The following ZC3H12B variants were observed in gnomAD, a reference collection of about 807,000 sequenced individuals.
ZC3H12B encodes zinc finger CCCH-type containing 12B.
A neutral mutation model predicts 43.9 loss-of-function variants in ZC3H12B; 7 were observed. The observed-to-expected ratio is 0.16, with a 90% CI of 0.09 to 0.30. ZC3H12B has a LOEUF of 0.30. ZC3H12B is among the 10% of genes least tolerant of loss of function. The probability of loss-of-function intolerance (pLI) is 1.00; values close to 1 mark genes in which losing one functional copy is unlikely to be tolerated. For missense variants in ZC3H12B, 475 were observed against 670.2 expected (o/e 0.71, Z 3.22); for synonymous variants, 222 against 241.7 (o/e 0.92, Z 0.76).
chrX:65,224,286 A>G, the ZC3H12B span, among the ~76,000 whole-genome samples: 1 of 112,588 alleles, frequency 8.9e-6, no homozygotes, highest in African/African-American at 3.2e-5. Context: ...ATTGCCTTTG[A>G]GTACTCGGGA....
the ZC3H12B span, among the ~76,000 whole-genome samples, chrX:65,347,827 G>A: frequency 8.9e-6 from 1 of 112,105 alleles, no homozygotes; most frequent in South Asian, 3.7e-4. Context: ...CAAAGACTTG[G>A]AACCAAGCCA....
chrX:65,408,510 T>A (rs2066864197), intron 3 of ZC3H12B: 3 of 1,207,409 alleles, frequency 2.5e-6, no homozygotes, highest in African/African-American at 1.7e-5. Context: ...CCAGTTCCCC[T>A]TACGCCTCAC....
the ZC3H12B span, among the ~76,000 whole-genome samples, chrX:65,359,231 G>A: frequency 2.7e-5 from 3 of 111,537 alleles, no homozygotes; most frequent in Admixed American, 1.9e-4. Flanking sequence ...TGATGGAGAT[G>A]TATAAGAAGA....
chrX:65,144,478 C>T, the ZC3H12B span, among the ~76,000 whole-genome samples: 9 of 111,731 alleles, frequency 8.1e-5, no homozygotes, highest in South Asian at 2.6e-3. Flanking sequence ...TTTACTCCTG[C>T]TCCGATCTTG....
the ZC3H12B span, among the ~76,000 whole-genome samples, chrX:65,113,130 G>A: frequency 9.0e-6 from 1 of 111,216 alleles, no homozygotes; most frequent in Non-Finnish European, 1.9e-5. Context: ...CTGTTGATGT[G>A]ATGGAGATAG....
At chrX:65,358,912 C>T in the ZC3H12B span, among the ~76,000 whole-genome samples, 1 of 111,828 alleles carries the variant, frequency 8.9e-6, no homozygotes, top group Non-Finnish European at 1.9e-5. Context: ...GAAGTCATTT[C>T]CTGGCTTTAA....
chrX:65,445,972 C>G (rs1445010171), intron 3 of ZC3H12B, among the ~76,000 whole-genome samples: 2 of 111,616 alleles, frequency 1.8e-5, no homozygotes, highest in Non-Finnish European at 3.8e-5. Context: ...TGAAGCCATC[C>G]CAGTACCAGG....
chrX:65,063,988 A>G, the ZC3H12B span, among the ~76,000 whole-genome samples: 5 of 111,835 alleles, frequency 4.5e-5, no homozygotes, highest in Admixed American at 9.4e-5. Context: ...GTATGTGTGT[A>G]GGATCTTTGG....
At chrX:65,359,742 T>G in the ZC3H12B span, among the ~76,000 whole-genome samples, 1 of 112,497 alleles carries the variant, frequency 8.9e-6, no homozygotes, top group Non-Finnish European at 1.9e-5. Flanking sequence ...TGAGCATTGT[T>G]GAAATTACAA....
At chrX:65,498,733 C>T (rs1053580449) in intron 2 of ZC3H12B, among the ~76,000 whole-genome samples, 1 of 112,220 alleles carries the variant, frequency 8.9e-6, no homozygotes, top group Admixed American at 9.5e-5. Flanking sequence ...GTCACTCTCA[C>T]TCTTCATGGT....
At chrX:65,277,183 T>C in the ZC3H12B span, among the ~76,000 whole-genome samples, 1 of 112,038 alleles carries the variant, frequency 8.9e-6, no homozygotes, top group Admixed American at 9.5e-5. Context: ...TGTAAATATA[T>C]GTGTATCAAC....
chrX:65,431,527 A>G (rs2067161683), intron 3 of ZC3H12B, among the ~76,000 whole-genome samples: 2 of 112,337 alleles, frequency 1.8e-5, no homozygotes, highest in African/African-American at 6.5e-5. Flanking sequence ...TTATGAGCCC[A>G]ATGGGCAATT....
chrX:65,228,036 G>A, the ZC3H12B span, among the ~76,000 whole-genome samples: 157 of 111,602 alleles, frequency 1.4e-3, 4 homozygotes, highest in East Asian at 0.043. Flanking sequence ...CATTTTATGA[G>A]GCCAGCATCA....
chrX:65,207,420 G>T, the ZC3H12B span, among the ~76,000 whole-genome samples: 1 of 110,553 alleles, frequency 9.0e-6, no homozygotes, highest in Non-Finnish European at 1.9e-5. Context: ...AGTGATATGT[G>T]GCAGCTAAGC....
At chrX:65,334,108 C>A in the ZC3H12B span, among the ~76,000 whole-genome samples, 2 of 111,975 alleles carry the variant, frequency 1.8e-5, no homozygotes, top group South Asian at 3.7e-4. Flanking sequence ...ACCTTATAGA[C>A]AAATGTATCC....
chrX:65,139,510 G>T, the ZC3H12B span, among the ~76,000 whole-genome samples: 1 of 111,762 alleles, frequency 8.9e-6, no homozygotes. Context: ...TTTGAAGTCA[G>T]GTAGTGTGAT....
the ZC3H12B span, among the ~76,000 whole-genome samples, chrX:65,108,067 C>T: frequency 2.7e-5 from 3 of 110,885 alleles, no homozygotes; most frequent in Non-Finnish European, 5.7e-5. Context: ...AATGGTACAC[C>T]TGTATTTGAC....
At chrX:65,267,530 A>T in the ZC3H12B span, among the ~76,000 whole-genome samples, 8 of 111,353 alleles carry the variant, frequency 7.2e-5, no homozygotes, top group Admixed American at 7.7e-4. Flanking sequence ...TCTGTAAGGA[A>T]GCTCAGATAT....
chrX:65,134,923 C>A, the ZC3H12B span, among the ~76,000 whole-genome samples: 2 of 110,826 alleles, frequency 1.8e-5, no homozygotes, highest in African/African-American at 3.3e-5. Flanking sequence ...TCACAAGGTG[C>A]TCAGTGGGGG....
Sources: gnomAD v4.1 joint callset for allele counts (sites outside exome capture counted in the v4.1 genomes callset) on GRCh38, gnomAD v4.1.1 for gene constraint, MANE v1.5 for transcripts, NCBI Gene and HGNC (gene_info 2026-07-23, HGNC 2026-07-21) for gene names.